Variants in PPP6R2 observed in about 807,000 individuals in gnomAD.
PPP6R2 encodes the protein serine/threonine-protein phosphatase 6 regulatory subunit 2.
A neutral mutation model predicts 100.2 loss-of-function variants in PPP6R2; 62 were observed. The ratio of observed to expected loss-of-function variants is 0.62; its 90% CI spans 0.50 to 0.76. The LOEUF (loss-of-function observed/expected upper bound fraction) is 0.76, where lower values mean the gene tolerates loss of function less well. Ranked by LOEUF, PPP6R2 falls within the 30% of genes least tolerant of loss-of-function variation. The pLI, the probability that PPP6R2 is intolerant of heterozygous loss-of-function variation, is 0.00. For missense variants in PPP6R2, 1,142 were observed against 1,276.3 expected (o/e 0.89, Z 1.60); for synonymous variants, 525 against 514.7 (o/e 1.02, Z -0.27).
At chr22:50,443,807 A>C in intron 22 of PPP6R2, 59 bp from the exon 23 acceptor site, 1 of 1,510,050 alleles carries the variant, frequency 6.6e-7, no homozygotes, top group Non-Finnish European at 8.9e-7. Flanking sequence ...CTTGGGCATG[A>C]GGCGGGGTGG....
At chr22:50,405,559 G>A (rs2058747352) in intron 3 of PPP6R2, among the ~76,000 whole-genome samples, 3 of 124,574 alleles carry the variant, frequency 2.4e-5, no homozygotes, top group African/African-American at 9.4e-5. Flanking sequence ...GGAGAGAGGT[G>A]AGAGGCCTGG....
chr22:50,443,687 CAGCAGA>C (rs71318818), intron 22 of PPP6R2, 173 bp from the exon 23 acceptor site: 53,532 of 826,186 alleles, frequency 0.065, 2,008 homozygotes, highest in Non-Finnish European at 0.082. Context: ...GAACTTGGGG[CAGCAGA>C]GCTGCCTAGC....
intron 10 of PPP6R2, among the ~76,000 whole-genome samples, chr22:50,424,345 C>CGCATGTGGAAGGTCCGTCA (rs1569472037): frequency 9.0e-6 from 1 of 111,086 alleles, no homozygotes; most frequent in Non-Finnish European, 1.8e-5. Context: ...AAGGTCTGTC[C>CGCATGTGGAAGGTCCGTCA]GCGTGTGGAA....
intron 1 of PPP6R2, among the ~76,000 whole-genome samples, chr22:50,350,711 G>T (rs2044889182): frequency 6.6e-6 from 1 of 151,554 alleles, no homozygotes; most frequent in Non-Finnish European, 1.5e-5. Flanking sequence ...CGGGTGTGGT[G>T]GTGGGCGCCT....
chr22:50,397,341 G>C (rs999981606), intron 3 of PPP6R2, among the ~76,000 whole-genome samples: 3 of 152,318 alleles, frequency 2.0e-5, no homozygotes, highest in East Asian at 3.9e-4. Flanking sequence ...CCTGTGACTC[G>C]GAGGGAGGGA....
At chr22:50,398,489 T>C (rs559610803) in intron 3 of PPP6R2, among the ~76,000 whole-genome samples, 1 of 147,660 alleles carries the variant, frequency 6.8e-6, no homozygotes, top group East Asian at 2.0e-4. Context: ...TCTATTTCTT[T>C]ATTTAAAAAA....
chr22:50,419,167 C>CTGG (rs1569461834), intron 7 of PPP6R2, among the ~76,000 whole-genome samples, 182 bp from the exon 8 acceptor site: 2 of 152,224 alleles, frequency 1.3e-5, no homozygotes, highest in African/African-American at 4.8e-5. Context: ...GAGGAGTCAC[C>CTGG]TGGTGGGTCT....
At chr22:50,375,154 A>T (rs979374086) in intron 2 of PPP6R2, among the ~76,000 whole-genome samples, 2 of 152,178 alleles carry the variant, frequency 1.3e-5, no homozygotes, top group Non-Finnish European at 2.9e-5. Context: ...TCGTGTTATC[A>T]AATAAATTTT....
intron 3 of PPP6R2, among the ~76,000 whole-genome samples, chr22:50,404,679 T>C (rs1010465384): frequency 2.4e-5 from 3 of 126,864 alleles, no homozygotes; most frequent in Admixed American, 8.5e-5. Context: ...TCAAGAGTGA[T>C]CCACCTGCCC....
chr22:50,363,767 G>A (rs2048229186), intron 1 of PPP6R2, among the ~76,000 whole-genome samples: 1 of 152,156 alleles, frequency 6.6e-6, no homozygotes, highest in Non-Finnish European at 1.5e-5. Context: ...TCCAGTCTCT[G>A]CTGTTTCCTC....
At position 50,379,031 on chromosome 22, in the gene PPP6R2, T is replaced by G. The variant is rs183592446; in HGVS notation, c.-17+6881T>G. On this transcript the variant is annotated intron_variant, in intron 2 of 23. Transcript: ENST00000612753. ...GAGGACACAGTGGAGGCACCATCTGTGAAAATTAGGTCCTCATCACACACT... is the reference window on the plus strand; with the variant it reads ...GAGGACACAGTGGAGGCACCATCTGGGAAAATTAGGTCCTCATCACACACT... 1.4e-3 allele frequency among the ~76,000 whole-genome samples: 208 copies of G among 152,310 alleles called. 1 individual carries two copies. Among genetic ancestry groups the G allele is most frequent in the African/African-American group, 4.8e-3 (199 of 41,582 alleles).
rs1372936210 is a variant in PPP6R2, at chr22:50,444,491, C to T, written c.*244C>T. The T allele has an allele frequency of 4.3e-6, 2 of 462,036 alleles. No homozygotes were observed. The highest frequency in any genetic ancestry group is 7.5e-6 in the Non-Finnish European group (2 of 268,336). 28.6% of individuals were successfully genotyped at this position (462,036 alleles called of 1,614,324 possible). A position where few individuals can be genotyped will look rare whatever the true frequency, so the allele number is the denominator to read the frequency against. Reference sequence around the variant, plus strand: ...GGGGCACCTCAGCCGCCCCCAAGCCCAGAGCACAGCAATAAGGTCGGCCTG... The same window carrying T: ...GGGGCACCTCAGCCGCCCCCAAGCCTAGAGCACAGCAATAAGGTCGGCCTG... On this transcript the variant is annotated 3_prime_UTR_variant, in exon 24 of 24. Transcript: ENST00000612753.
At chr22:50,342,622 C>G (rs2042531217), upstream of PPP6R2, among the ~76,000 whole-genome samples, 1 of 152,258 alleles carries the variant, frequency 6.6e-6, no homozygotes, top group Non-Finnish European at 1.5e-5. Context: ...TTAGAGATCC[C>G]TTAAGTGCTC....
intron 1 of PPP6R2, among the ~76,000 whole-genome samples, chr22:50,363,206 A>G (rs985383655): frequency 6.6e-6 from 1 of 152,042 alleles, no homozygotes; most frequent in African/African-American, 2.4e-5. Context: ...GCTCCCTTCC[A>G]TGCCCTCTTG....
chr22:50,416,020 C>A, intron 5 of PPP6R2, 72 bp from the exon 6 acceptor site: 1 of 1,425,544 alleles, frequency 7.0e-7, no homozygotes, highest in Non-Finnish European at 9.9e-7. Context: ...AGTGCTGCAC[C>A]AAAGGGGAAA....
intron 3 of PPP6R2, among the ~76,000 whole-genome samples, chr22:50,401,506 A>G (rs966524298): frequency 7.6e-6 from 1 of 132,116 alleles, no homozygotes; most frequent in African/African-American, 2.9e-5. Flanking sequence ...GCGCCAGGCC[A>G]ATTTTTTTTT....
rs561014162 is a variant in PPP6R2, at chr22:50,373,936, G to A, written c.-17+1786G>A. Among the ~76,000 whole-genome samples the A allele has an allele frequency of 1.8e-4, 28 of 152,106 alleles. No individual in the cohort carries two copies. In the East Asian group the frequency reaches 2.9e-3, roughly 16 times the overall value. On this transcript the variant is annotated intron_variant, in intron 2 of 23. Transcript: ENST00000612753. ...TTTAGTAGTGACGGGGTTTCACCAC[G>A]TTGGTCAGGCTGGTCTTGAATTCCT...
intron 2 of PPP6R2, among the ~76,000 whole-genome samples, chr22:50,390,812 A>G (rs1393857141): frequency 6.6e-6 from 1 of 151,710 alleles, no homozygotes; most frequent in African/African-American, 2.4e-5. Context: ...CAGCCTGACT[A>G]ACATGGTAAA....
intron 1 of PPP6R2, among the ~76,000 whole-genome samples, chr22:50,366,516 C>A (rs902359378): frequency 3.3e-5 from 5 of 152,032 alleles, no homozygotes; most frequent in African/African-American, 1.2e-4. Context: ...GTTGGCCAGG[C>A]TGGTCTCGAA....
Sources: allele counts gnomAD v4.1 joint callset (sites outside exome capture counted in the v4.1 genomes callset), GRCh38; gene constraint gnomAD v4.1.1; transcripts MANE v1.5; gene names NCBI Gene and HGNC (gene_info 2026-07-23, HGNC 2026-07-21).